The following LRRC53 variants were observed in gnomAD, a reference collection of about 807,000 sequenced individuals.
The protein encoded by LRRC53 is leucine-rich repeat-containing protein 53.
A neutral mutation model predicts 13.6 loss-of-function variants in LRRC53; 25 were observed. The ratio of observed to expected loss-of-function variants is 1.83; its 90% CI spans 1.34 to 2.56. The LOEUF (loss-of-function observed/expected upper bound fraction) is 2.56, where lower values mean the gene tolerates loss of function less well. LRRC53 is among the 30% of genes most tolerant of loss of function. The pLI, the probability that LRRC53 is intolerant of heterozygous loss-of-function variation, is 0.00. For missense variants in LRRC53, 527 were observed against 275.8 expected (o/e 1.91, Z -6.45); for synonymous variants, 204 against 109.8 (o/e 1.86, Z -5.37).
chr1:74,515,087 A>G (rs189258212), upstream of LRRC53, among the ~76,000 whole-genome samples: 6 of 152,218 alleles, frequency 3.9e-5, no homozygotes, highest in East Asian at 1.2e-3. Context: ...TCCTCAGAAT[A>G]TTCCTTCAGA....
At chr1:74,489,573 A>G (rs1325237093) in intron 1 of LRRC53, among the ~76,000 whole-genome samples, 1 of 152,250 alleles carries the variant, frequency 6.6e-6, no homozygotes, top group Non-Finnish European at 1.5e-5. Context: ...ATCAATTTTT[A>G]TGCAAAAATT....
intron 3 of LRRC53, among the ~76,000 whole-genome samples, 165 bp from the exon 4 acceptor site, chr1:74,475,975 A>T (rs1318794086): frequency 2.0e-5 from 3 of 152,178 alleles, no homozygotes; most frequent in Non-Finnish European, 4.4e-5. Context: ...AGAGGCTACC[A>T]TTGACATTGT....
At chr1:74,499,381 T>A (rs1217999122) in intron 1 of LRRC53, among the ~76,000 whole-genome samples, 2 of 152,178 alleles carry the variant, frequency 1.3e-5, no homozygotes, top group African/African-American at 4.8e-5. Flanking sequence ...GTTAAATGAT[T>A]CAGCTTCCTA....
intron 1 of LRRC53, among the ~76,000 whole-genome samples, chr1:74,501,443 A>C (rs894333759): frequency 6.6e-6 from 1 of 151,982 alleles, no homozygotes; most frequent in Admixed American, 6.6e-5. Context: ...AGACCAACCA[A>C]AACTTCAACT....
rs1221946702 is a variant in LRRC53 at position 74,480,754 on chromosome 1, G to C, written c.303C>G (p.His101Gln). ...GCAGGCTGTGAAGCTTGCTGAAGGTGTGATCAGTGAGCGAAGAGCTGGATA... is the reference window on the plus strand; with the variant it reads ...GCAGGCTGTGAAGCTTGCTGAAGGTCTGATCAGTGAGCGAAGAGCTGGATA... Reference protein sequence around the residue: ...NQISSSSLTDHTFSKLHSLQV... With the variant: ...NQISSSSLTDQTFSKLHSLQV... Residue 101 changes from histidine to glutamine, a missense_variant, in exon 3 of 5, where the codon CAC becomes CAG. Transcript: ENST00000294635. The C allele has an allele frequency of 2.8e-6, 2 of 717,534 alleles. No homozygotes were observed. The highest frequency in any genetic ancestry group is 1.5e-5 in the South Asian group (1 of 67,588). The allele number at this position is 717,534 out of a possible 1,614,324, so 44.4% of individuals were successfully genotyped here.
At chr1:74,505,440 T>C (rs1557613485) in intron 1 of LRRC53, among the ~76,000 whole-genome samples, 1 of 152,236 alleles carries the variant, frequency 6.6e-6, no homozygotes, top group Non-Finnish European at 1.5e-5. Context: ...AAGTGGGTGA[T>C]GCTGGTGTCT....
At chr1:74,497,533 A>G (rs1669389188) in intron 1 of LRRC53, among the ~76,000 whole-genome samples, 1 of 151,570 alleles carries the variant, frequency 6.6e-6, no homozygotes, top group African/African-American at 2.4e-5. Flanking sequence ...TGTTTCTACA[A>G]TCCCATGGCT....
rs957597192 is a variant in LRRC53 at position 74,469,566 on chromosome 1, ATTTG to A, written c.*308_*311del. The A allele has an allele frequency of 3.9e-5, 7 of 177,642 alleles. No individual in the cohort carries two copies. The Admixed American group carries it at 4.0e-4, about 10-fold the overall frequency. 11.0% of individuals were successfully genotyped at this position (177,642 alleles called of 1,614,324 possible). A position where few individuals can be genotyped will look rare whatever the true frequency, so the allele number is the denominator to read the frequency against. On this transcript the variant is annotated 3_prime_UTR_variant, in exon 5 of 5. Transcript: ENST00000294635. Reference sequence around the variant, plus strand: ...AAATACTCTTCTTATGTAGTTTTTCATTTGTTTAAGGCTTTTTTTTTTTCAATGT... The same window carrying A: ...AAATACTCTTCTTATGTAGTTTTTCATTTAAGGCTTTTTTTTTTTCAATGT...
the LRRC53 span, among the ~76,000 whole-genome samples, chr1:74,533,255 A>T: frequency 6.6e-6 from 1 of 152,256 alleles, no homozygotes; most frequent in African/African-American, 2.4e-5. Flanking sequence ...GGCAAAGGAC[A>T]TGAACAGACA....
chr1:74,524,782 A>C, the LRRC53 span, among the ~76,000 whole-genome samples: 2 of 151,296 alleles, frequency 1.3e-5, no homozygotes, highest in East Asian at 1.9e-4. Context: ...AAAAGAAAGG[A>C]AGTAAAGGGG....
intron 1 of LRRC53, among the ~76,000 whole-genome samples, chr1:74,488,539 A>C (rs549817955): frequency 6.6e-6 from 1 of 152,342 alleles, no homozygotes; most frequent in South Asian, 2.1e-4. Context: ...ATTTTCTAAA[A>C]TTCCAAGAAT....
intron 1 of LRRC53, among the ~76,000 whole-genome samples, chr1:74,508,493 A>G (rs1427327355): frequency 1.3e-5 from 2 of 152,242 alleles, no homozygotes; most frequent in African/African-American, 4.8e-5. Flanking sequence ...ACCTGGCCAG[A>G]GTAGTTCTAG....
intron 3 of LRRC53, among the ~76,000 whole-genome samples, chr1:74,479,480 AC>A (rs1245014204): frequency 1.3e-5 from 2 of 152,218 alleles, no homozygotes; most frequent in Non-Finnish European, 1.5e-5. Context: ...AGAATTCAAA[AC>A]CACCCAACAG....
the LRRC53 span, among the ~76,000 whole-genome samples, chr1:74,520,660 A>G: frequency 6.6e-6 from 1 of 152,022 alleles, no homozygotes; most frequent in African/African-American, 2.4e-5. Flanking sequence ...TATTAACTGT[A>G]TGGTCTGCTT....
the LRRC53 span, among the ~76,000 whole-genome samples, chr1:74,535,231 C>G: frequency 6.6e-6 from 1 of 152,150 alleles, no homozygotes; most frequent in African/African-American, 2.4e-5. Flanking sequence ...AATCCAAGCA[C>G]TTTGGGAGGT....
upstream of LRRC53, among the ~76,000 whole-genome samples, chr1:74,514,689 G>A (rs1415565036): frequency 6.6e-6 from 1 of 152,112 alleles, no homozygotes; most frequent in African/African-American, 2.4e-5. Context: ...AAAGCCATGT[G>A]TGCTCTTTTT....
intron 1 of LRRC53, among the ~76,000 whole-genome samples, chr1:74,496,518 T>C (rs1321961426): frequency 6.6e-6 from 1 of 152,194 alleles, no homozygotes; most frequent in Admixed American, 6.5e-5. Context: ...CATTTACTTT[T>C]CAATTTTTGG....
chr1:74,480,702 G>A lies in LRRC53; in HGVS notation c.355C>T (p.Leu119Phe). 1.4e-6 allele frequency: 1 copy of A among 717,400 alleles called. No homozygotes were observed. Among genetic ancestry groups the A allele is most frequent in the Non-Finnish European group, 2.6e-6 (1 of 385,100 alleles). 44.4% of individuals were successfully genotyped at this position (717,400 alleles called of 1,614,324 possible). A position where few individuals can be genotyped will look rare whatever the true frequency, so the allele number is the denominator to read the frequency against. The change falls in exon 3 of 5, where the codon CTC (leucine) becomes TTC (phenylalanine). Residue 119 changes from leucine to phenylalanine, a missense_variant. Coordinates refer to ENST00000294635, the MANE Select transcript of LRRC53 (RefSeq NM_001382280.1). Reference sequence around the variant, plus strand: ...AACCAAGACCCTCGTAGGGTGCGGAGAGCATTATTGCTCAGCACCAGTACC... The same window carrying A: ...AACCAAGACCCTCGTAGGGTGCGGAAAGCATTATTGCTCAGCACCAGTACC... ...LQVLVLSNNA[L>F]RTLRGSWFRN... is the part of the protein sequence containing the mutation.
chr1:74,496,154 A>C (rs879686810), intron 1 of LRRC53, among the ~76,000 whole-genome samples: 5 of 152,206 alleles, frequency 3.3e-5, no homozygotes, highest in Non-Finnish European at 7.3e-5. Context: ...TCCAATATAC[A>C]TCCAAGTATA....
Sources: gnomAD v4.1 joint callset for allele counts (sites outside exome capture counted in the v4.1 genomes callset) on GRCh38, gnomAD v4.1.1 for gene constraint, MANE v1.5 for transcripts, NCBI Gene and HGNC (gene_info 2026-07-23, HGNC 2026-07-21) for gene names.